Variants in IARS1 observed in about 807,000 individuals in gnomAD.
The protein encoded by IARS1 is isoleucyl-tRNA synthetase 1, also known as isoleucine--tRNA ligase, cytoplasmic.
In IARS1, 124 loss-of-function variants were observed where a neutral mutation model predicts 168.2. That is an observed-to-expected ratio of 0.74 (90% confidence interval 0.64 to 0.86). The LOEUF (loss-of-function observed/expected upper bound fraction) is 0.86. IARS1 is among the 40% of genes least tolerant of loss of function. The pLI is 0.00. For synonymous variants in IARS1, 532 were observed against 529.4 expected (o/e 1.00, Z -0.07); for missense variants, 1,452 against 1,515.8 (o/e 0.96, Z 0.70).
intron 30 of IARS1, among the ~76,000 whole-genome samples, chr9:92,230,247 A>C (rs1006350473): frequency 1.3e-5 from 2 of 152,004 alleles, no homozygotes; most frequent in Non-Finnish European, 2.9e-5. Flanking sequence ...AGTAGCTGGG[A>C]TTACAAGCAC....
chr9:92,276,605 C>A (rs1230606142), intron 9 of IARS1, among the ~76,000 whole-genome samples: 2 of 152,134 alleles, frequency 1.3e-5, no homozygotes, highest in African/African-American at 4.8e-5. Flanking sequence ...TGGATAGGGC[C>A]CAAACCACAG....
In IARS1 at chr9:92,285,767, T is replaced by C; in HGVS notation, c.552A>G (p.Ala184=). 2 of 1,613,760 alleles carry C rather than the reference T, an allele frequency of 1.2e-6. No homozygotes were observed. Among genetic ancestry groups the C allele is most frequent in the East Asian group, 2.2e-5 (1 of 44,876 alleles). The change falls in exon 6 of 34, where the codon GCA becomes GCG. Residue 184 remains alanine (A), a synonymous_variant. Transcript: ENST00000443024. The stretch of plus-strand genomic sequence containing the variant: ...CGAAGTTGGAAAGTGGAGTGTTACA[T>C]GCCGTAGAGAAGGGCATGACTTTCA... ...RGVKVMPFST[A]CNTPLSNFES... is the part of the protein sequence containing the mutation.
rs537483402 is a variant in IARS1 at position 92,280,797 on chromosome 9, T to C, written c.694A>G (p.Ser232Gly). The change falls in exon 7 of 34, where the codon AGT (serine) becomes GGT (glycine). Residue 232 changes from serine to glycine, a missense_variant. Transcript: ENST00000443024. ...AWTTTPWTLP[S>G]NLAVCVNPEM... ...GGATTAACACACACAGCAAGGTTAC[T>C]AGGTAGAGTCCAGGGAGTGGTTGTC... 3 of 1,612,798 alleles carry C rather than the reference T, an allele frequency of 1.9e-6. No individual in the cohort carries two copies. The highest frequency in any genetic ancestry group is 1.7e-5 in the Admixed American group (1 of 59,980).
intron 4 of IARS1, 42 bp downstream of exon 4, chr9:92,287,749 A>T: frequency 1.9e-6 from 3 of 1,571,794 alleles, no homozygotes; most frequent in Non-Finnish European, 2.6e-6. Context: ...CCATTTAGTA[A>T]CTACATTTGC....
intron 33 of IARS1, among the ~76,000 whole-genome samples, chr9:92,215,154 A>C (rs1838441906): frequency 6.6e-6 from 1 of 152,208 alleles, no homozygotes; most frequent in South Asian, 2.1e-4. Context: ...ACCCCCCAGC[A>C]GGGGCACACT....
At chr9:92,211,118 G>A (rs1042347711) in intron 33 of IARS1, among the ~76,000 whole-genome samples, 1 of 152,106 alleles carries the variant, frequency 6.6e-6, no homozygotes, top group African/African-American at 2.4e-5. Context: ...TTGCTAATGA[G>A]ACAATTCAGG....
intron 33 of IARS1, among the ~76,000 whole-genome samples, chr9:92,214,670 T>G (rs1428663849): frequency 1.3e-5 from 2 of 152,188 alleles, no homozygotes; most frequent in Non-Finnish European, 2.9e-5. Flanking sequence ...GGACGGCACC[T>G]GGAAAATTGG....
At chr9:92,282,384 C>T (rs773496531) in intron 6 of IARS1, among the ~76,000 whole-genome samples, 17 of 151,934 alleles carry the variant, frequency 1.1e-4, no homozygotes, top group Non-Finnish European at 2.1e-4. Context: ...CTCACTGCAA[C>T]CCCCACCTCC....
intron 20 of IARS1, chr9:92,253,729 T>G (rs1327751944): frequency 1.9e-6 from 1 of 514,380 alleles, no homozygotes; most frequent in Non-Finnish European, 3.7e-6. Context: ...AACTCCAGTA[T>G]GTGTGGATCA....
intron 33 of IARS1, among the ~76,000 whole-genome samples, chr9:92,215,485 G>A (rs1352849087): frequency 7.9e-5 from 12 of 152,018 alleles, no homozygotes. Flanking sequence ...AGCTATGGGA[G>A]GACATACAAA....
At chr9:92,243,057 A>G (rs1283404717) in intron 28 of IARS1, 159 bp downstream of exon 28, 8 of 567,808 alleles carry the variant, frequency 1.4e-5, no homozygotes, top group Non-Finnish European at 2.6e-5. Flanking sequence ...GAGGAAGAGG[A>G]GTGACTTTTC....
intron 5 of IARS1, chr9:92,286,214 A>G (rs1835432530): frequency 3.6e-6 from 1 of 281,614 alleles, no homozygotes; most frequent in Admixed American, 4.8e-5. Context: ...TAAAAAGACA[A>G]AAATTAGCCA....
chr9:92,213,016 A>T (rs1244956440), intron 33 of IARS1, among the ~76,000 whole-genome samples: 1 of 152,184 alleles, frequency 6.6e-6, no homozygotes, highest in East Asian at 1.9e-4. Context: ...AAAACGACAA[A>T]GGAGAGTCAC....
chr9:92,290,552 C>T (rs996165941), intron 1 of IARS1, among the ~76,000 whole-genome samples: 6 of 151,924 alleles, frequency 3.9e-5, no homozygotes, highest in Admixed American at 3.9e-4. Context: ...TTAATGATGC[C>T]CAATTTGTCA....
intron 30 of IARS1, among the ~76,000 whole-genome samples, chr9:92,231,092 CAATATATCACTTTTCCCTTTT>C (rs1438422621): frequency 6.6e-6 from 1 of 152,148 alleles, no homozygotes; most frequent in Non-Finnish European, 1.5e-5. Context: ...TCATTTAGTT[CAATATATCACTTTTCCCTTTT>C]AAGGACAGTG....
intron 14 of IARS1, among the ~76,000 whole-genome samples, chr9:92,266,977 A>C (rs1832372699): frequency 6.6e-6 from 1 of 152,238 alleles, no homozygotes; most frequent in African/African-American, 2.4e-5. Context: ...AAACATTACA[A>C]AACACAGAAA....
chr9:92,237,821 C>T (rs1233420781), intron 30 of IARS1, among the ~76,000 whole-genome samples: 1 of 152,166 alleles, frequency 6.6e-6, no homozygotes. Context: ...TTACTTTCAA[C>T]TCACCTGTAT....
chr9:92,249,936 A>G lies in IARS1; in HGVS notation c.2538T>C (p.Pro846=). Residue 846 remains proline, a synonymous_variant, in exon 25 of 34, where the codon CCT becomes CCC. Coordinates refer to ENST00000443024, the MANE Select transcript of IARS1 (RefSeq NM_002161.6). ...RDRKTIPIKY[P]LKEIVVIHQD... ...GATGGATAACCACAATTTCTTTCAA[A>G]GGATACTAGGAGGAAAAGGGAGGGG... 1 of 1,589,984 alleles carries G rather than the reference A, an allele frequency of 6.3e-7. No individual in the cohort carries two copies. Among genetic ancestry groups the G allele is most frequent in the Non-Finnish European group, 8.6e-7 (1 of 1,159,492 alleles).
chr9:92,246,998 A>T (rs1829294334), intron 26 of IARS1, among the ~76,000 whole-genome samples: 1 of 152,198 alleles, frequency 6.6e-6, no homozygotes. Flanking sequence ...GTTAGAGACC[A>T]GCCTGGCCAA....
Sources: gnomAD v4.1 joint callset for allele counts (sites outside exome capture counted in the v4.1 genomes callset) on GRCh38, gnomAD v4.1.1 for gene constraint, MANE v1.5 for transcripts, NCBI Gene and HGNC (gene_info 2026-07-23, HGNC 2026-07-21) for gene names.